The following PLAAT2 variants were observed in gnomAD, a reference collection of about 807,000 sequenced individuals.
PLAAT2 encodes the protein HRAS like suppressor 2.
In PLAAT2, 12 loss-of-function variants were observed where a neutral mutation model predicts 12.8. The observed-to-expected ratio is 0.94, with a 90% confidence interval of 0.60 to 1.52. PLAAT2 has a LOEUF of 1.52. PLAAT2 is among the 40% of genes most tolerant of loss of function. PLAAT2 has a pLI of 0.00. For synonymous variants in PLAAT2, 79 were observed against 86.8 expected (o/e 0.91, Z 0.50); for missense variants, 166 against 208.1 (o/e 0.80, Z 1.24).
chr11:63,552,860 T>G lies in PLAAT2; in HGVS notation c.*104A>C. The G allele has an allele frequency of 1.4e-6, 1 of 728,564 alleles. No individual in the cohort carries two copies. The highest frequency in any genetic ancestry group is 2.4e-6 in the Non-Finnish European group (1 of 417,168). The allele number at this position is 728,564 out of a possible 1,614,324, so 45.1% of individuals were successfully genotyped here. ...GCTTTTAACTCCATTAAAATAAAGATTCATGAACACAAAACAGTAAAATCA... is the reference window on the plus strand; with the variant it reads ...GCTTTTAACTCCATTAAAATAAAGAGTCATGAACACAAAACAGTAAAATCA... On this transcript the variant is annotated 3_prime_UTR_variant, in exon 4 of 4. Transcript: ENST00000255695.
upstream of PLAAT2, chr11:63,563,414 A>G: frequency 6.5e-7 from 1 of 1,539,354 alleles, no homozygotes; most frequent in Non-Finnish European, 9.0e-7. Flanking sequence ...GACCCAGCCC[A>G]TATACAACTA....
chr11:63,563,124 G>A (rs941373855), intron 1 of PLAAT2, among the ~76,000 whole-genome samples, 192 bp downstream of exon 1: 1 of 152,210 alleles, frequency 6.6e-6, no homozygotes, highest in East Asian at 1.9e-4. Context: ...TGAGGCTGGG[G>A]AGCCTCCAGG....
rs762051879 is a variant in PLAAT2, at chr11:63,558,641, A to T, written c.138T>A (p.Gly46=). Residue 46 remains glycine (G), a synonymous_variant, in exon 3 of 4, where the codon GGT becomes GGA. Coordinates refer to ENST00000255695, the MANE Select transcript of PLAAT2 (RefSeq NM_017878.2). ...TCAGGGCAGACAGGACACTGGCCGC[A>T]CCAGCTCCAGCAATTTCACCTGTGC... The part of the protein sequence containing the change: ...LAPASEIAGA[G]AASVLSALTN... 4 of 1,614,192 alleles carry T rather than the reference A, an allele frequency of 2.5e-6. No individual in the cohort carries two copies. Among genetic ancestry groups the T allele is most frequent in the Non-Finnish European group, 3.4e-6 (4 of 1,180,030 alleles).
rs2017428509 is a variant in PLAAT2, at chr11:63,552,781, T to C, written c.*183A>G. 3 of 572,264 alleles carry C rather than the reference T, an allele frequency of 5.2e-6. No individual in the cohort carries two copies. Among genetic ancestry groups the C allele is most frequent in the South Asian group, 4.0e-5 (2 of 50,014 alleles). 35.4% of individuals were successfully genotyped at this position (572,264 alleles called of 1,614,324 possible). On this transcript the variant is annotated 3_prime_UTR_variant, in exon 4 of 4. Transcript: ENST00000255695. ...GCATTCAGTCCATAGCAGAGCCCAA[T>C]TGTGTCTTTAATAGAATTCATACTA...
At chr11:63,556,239 G>A (rs1305536108) in intron 3 of PLAAT2, among the ~76,000 whole-genome samples, 1 of 152,134 alleles carries the variant, frequency 6.6e-6, no homozygotes, top group East Asian at 1.9e-4. Context: ...AGAAAGAAAG[G>A]CAAGTTATTG....
At position 63,553,044 on chromosome 11, in the gene PLAAT2, C is replaced by T. The variant is rs146149089; in HGVS notation, c.409G>A (p.Val137Ile). ...GCCAGCAGGCCTGCTGCCACACCTA[C>T]TGTCGTGACTGCACCAGTGACCTGC... ...SDQVTGAVTT[V>I]GVAAGLLAAA... Residue 137 changes from valine (V) to isoleucine (I), a missense_variant, in exon 4 of 4, where the codon GTA becomes ATA. By Grantham distance (29) the Val-to-Ile change is conservative. Coordinates refer to ENST00000255695, the MANE Select transcript of PLAAT2 (RefSeq NM_017878.2). The T allele has an allele frequency of 1.5e-4, 238 of 1,613,220 alleles. 1 individual carries two copies. Among genetic ancestry groups the T allele is most frequent in the Non-Finnish European group, 3.3e-5 (39 of 1,179,512 alleles).
rs1414845840 is a variant in PLAAT2, at chr11:63,558,376, C to A, written c.387+16G>T. 4.3e-6 allele frequency: 7 copies of A among 1,609,940 alleles called. No homozygotes were observed. Among genetic ancestry groups the A allele is most frequent in the Non-Finnish European group, 5.9e-6 (7 of 1,177,000 alleles). On this transcript the variant is annotated intron_variant, in intron 3 of 3. Coordinates refer to ENST00000255695, the MANE Select transcript of PLAAT2 (RefSeq NM_017878.2). ...TGGCCTGGCTCCTGGGAAGGGGATG[C>A]AGGCTGAAGATGCACCTGGTCACTG...
In PLAAT2 at chr11:63,559,069, G is replaced by A. The variant is rs190963382; in HGVS notation, c.119-409C>T. Among the ~76,000 whole-genome samples the A allele has an allele frequency of 1.9e-3, 296 of 152,316 alleles. 2 individuals are homozygous for A. Among genetic ancestry groups the A allele is most frequent in the Non-Finnish European group, 3.1e-3 (214 of 68,026 alleles). ...AATCTCAGCACTTTGGAAGGCCAAG[G>A]CAGGAGGAACACTTGAGGCCAGGAG... is the stretch of plus-strand genomic sequence containing the variant. On this transcript the variant is annotated intron_variant, in intron 2 of 3. Coordinates refer to ENST00000255695, the MANE Select transcript of PLAAT2 (RefSeq NM_017878.2).
upstream of PLAAT2, chr11:63,563,400 C>CT: frequency 6.3e-7 from 1 of 1,587,874 alleles, no homozygotes; most frequent in Non-Finnish European, 8.6e-7. Flanking sequence ...TTCACTTTCC[C>CT]TGTGACCCAG....
chr11:63,564,861 A>G (rs1320584245), upstream of PLAAT2, among the ~76,000 whole-genome samples: 1 of 152,116 alleles, frequency 6.6e-6, no homozygotes, highest in Non-Finnish European at 1.5e-5. Flanking sequence ...CTGGGGCAGG[A>G]GGACTTCCAC....
chr11:63,560,048 C>T, intron 2 of PLAAT2, 37 bp downstream of exon 2: 1 of 1,419,104 alleles, frequency 7.0e-7, no homozygotes, highest in Non-Finnish European at 9.9e-7. Flanking sequence ...CATTCTTGAT[C>T]TTAACCCTTG....
upstream of PLAAT2, among the ~76,000 whole-genome samples, chr11:63,564,002 G>A (rs941121089): frequency 5.9e-5 from 9 of 152,168 alleles, no homozygotes; most frequent in African/African-American, 2.2e-4. Context: ...TTTCAAAAAG[G>A]AGAGAGGAGC....
At position 63,560,621 on chromosome 11, in the gene PLAAT2, G is replaced by C. The variant is rs369560228; in HGVS notation, c.10-428C>G. ...CAAGTGATTCCTACAAGTTCTAGAGGTCTGACTTGCAACGCCCAACATGTC... is the reference window on the plus strand; with the variant it reads ...CAAGTGATTCCTACAAGTTCTAGAGCTCTGACTTGCAACGCCCAACATGTC... On this transcript the variant is annotated intron_variant, in intron 1 of 3. Transcript: ENST00000255695. Among the ~76,000 whole-genome samples, 87 of 152,296 alleles carry C rather than the reference G, an allele frequency of 5.7e-4. 1 individual carries two copies. In the South Asian group the frequency reaches 0.018, roughly 31 times the overall value.
At chr11:63,558,790 T>C in intron 2 of PLAAT2, 130 bp from the exon 3 acceptor site, 1 of 1,151,790 alleles carries the variant, frequency 8.7e-7, no homozygotes, top group Non-Finnish European at 1.2e-6. Context: ...CTGCCTGGCC[T>C]CAAACTTGAA....
chr11:63,556,959 G>GA (rs2017471987), intron 3 of PLAAT2, among the ~76,000 whole-genome samples: 2 of 152,164 alleles, frequency 1.3e-5, no homozygotes, highest in South Asian at 4.1e-4. Context: ...CATTTGAATT[G>GA]AAAAATTGTC....
intron 3 of PLAAT2, among the ~76,000 whole-genome samples, chr11:63,556,397 G>T (rs1455740410): frequency 6.6e-6 from 1 of 152,064 alleles, no homozygotes; most frequent in Non-Finnish European, 1.5e-5. Flanking sequence ...CTAAAATTGG[G>T]GTCTTCCAGA....
chr11:63,563,119 C>T (rs1164746623), intron 1 of PLAAT2, among the ~76,000 whole-genome samples, 197 bp downstream of exon 1: 23 of 152,200 alleles, frequency 1.5e-4, no homozygotes. Context: ...GCAGCTGAGG[C>T]TGGGGAGCCT....
intron 1 of PLAAT2, among the ~76,000 whole-genome samples, chr11:63,561,468 AC>A (rs1422126166): frequency 1.3e-5 from 2 of 151,384 alleles, no homozygotes; most frequent in Non-Finnish European, 2.9e-5. Context: ...ACATGGTGAA[AC>A]CCCCATCTCT....
At chr11:63,559,639 G>T (rs1014710470) in intron 2 of PLAAT2, among the ~76,000 whole-genome samples, 2 of 116,182 alleles carry the variant, frequency 1.7e-5, no homozygotes, top group African/African-American at 3.4e-5. Flanking sequence ...ATGTGAAGCC[G>T]CATGCTCAAG....
Sources: gnomAD v4.1 joint callset for allele counts (sites outside exome capture counted in the v4.1 genomes callset) on GRCh38, gnomAD v4.1.1 for gene constraint, MANE v1.5 for transcripts, NCBI Gene and HGNC (gene_info 2026-07-23, HGNC 2026-07-21) for gene names.